LMBR1: variants seen among roughly 807,000 people sequenced by gnomAD.
The protein encoded by LMBR1 is limb region 1 protein homolog.
Under a neutral mutation model 73.9 loss-of-function variants are expected in LMBR1, and 52 were observed. The observed-to-expected ratio is 0.70, with a 90% CI of 0.56 to 0.89. The LOEUF is 0.89. LMBR1 is among the 40% of genes least tolerant of loss of function. The pLI is 0.00. For missense variants in LMBR1, 539 were observed against 579.8 expected (o/e 0.93, Z 0.72); for synonymous variants, 215 against 209.4 (o/e 1.03, Z -0.23).
At chr7:156,671,647 G>A (rs1031209812) in intron 4 of LMBR1, among the ~76,000 whole-genome samples, 2 of 150,854 alleles carry the variant, frequency 1.3e-5, no homozygotes, top group South Asian at 2.1e-4. Flanking sequence ...ACTGCAGGAC[G>A]CCGATGTTTG....
Position 156,669,794 on chromosome 7 carries a change from C to T in LMBR1, n.867-507G>A, listed in dbSNP as rs1196830309. Among the ~76,000 whole-genome samples, 1 of 152,130 alleles carries T rather than the reference C, an allele frequency of 6.6e-6. No individual in the cohort carries two copies. Among genetic ancestry groups the T allele is most frequent in the Non-Finnish European group, 1.5e-5 (1 of 68,018 alleles). On this transcript the variant is annotated intron_variant and non_coding_transcript_variant, in intron 4 of 4. Transcript: ENST00000430825. This position sits in a 1 kb window ranked among gnomAD's most constrained non-coding sequence, Gnocchi z 4.2. ...GCGCTTCCTGGGAGCCTCTGCAGGG[C>T]GTGCCCATGGAGGGGAGGCTCAAAA... is the stretch of plus-strand genomic sequence containing the variant.
At chr7:156,711,333 A>T (rs537696638) in intron 15 of LMBR1, among the ~76,000 whole-genome samples, 1 of 152,264 alleles carries the variant, frequency 6.6e-6, no homozygotes, top group South Asian at 2.1e-4. Flanking sequence ...TACAAAAAAC[A>T]CTAATGAAAG....
In LMBR1 at chr7:156,891,395, T is replaced by C. The variant is rs549487998; in HGVS notation, c.66+1533A>G. On this transcript the variant is annotated intron_variant, in intron 1 of 16. Transcript: ENST00000353442. ...CAACTACTGCACCGAGAATGAATTA[T>C]AACCACATACAACATGGAGAAATTT... is the stretch of plus-strand genomic sequence containing the variant. Among the ~76,000 whole-genome samples the C allele has an allele frequency of 5.5e-4, 83 of 151,726 alleles. 1 individual carries two copies. Among genetic ancestry groups the C allele is most frequent in the African/African-American group, 2.0e-3 (81 of 41,342 alleles).
chr7:156,875,882 G>A (rs916937824), intron 1 of LMBR1, among the ~76,000 whole-genome samples: 1 of 147,406 alleles, frequency 6.8e-6, no homozygotes, highest in African/African-American at 2.5e-5. Flanking sequence ...AATTCTCACA[G>A]GGCATATAAA....
At chr7:156,891,758 T>C (rs1023647926) in intron 1 of LMBR1, among the ~76,000 whole-genome samples, 6 of 152,370 alleles carry the variant, frequency 3.9e-5, no homozygotes, top group Non-Finnish European at 7.3e-5. Flanking sequence ...CATGAACTTA[T>C]CTCTGTGTAT....
chr7:156,823,261 C>T (rs965817667), intron 4 of LMBR1: 1 of 151,652 alleles, frequency 6.6e-6, no homozygotes, highest in African/African-American at 2.4e-5. Context: ...CTACCTTCTA[C>T]CCATGAAAAT....
chr7:156,849,650 C>G lies in LMBR1; in HGVS notation c.67-12765G>C, dbSNP rs541520449. On this transcript the variant is annotated intron_variant, in intron 1 of 16. Coordinates refer to ENST00000353442, the MANE Select transcript of LMBR1 (RefSeq NM_022458.4). ...AACAAAACTGTGGAGACACTAAAAG[C>G]ATCAGTTGTTTGTTGCCAGGGGTTG... is the stretch of plus-strand genomic sequence containing the variant. Among the ~76,000 whole-genome samples, 18 of 152,242 alleles carry G rather than the reference C, an allele frequency of 1.2e-4. No individual in the cohort carries two copies. The South Asian group carries it at 3.7e-3, about 32-fold the overall frequency.
In LMBR1 at chr7:156,683,861, C is replaced by T. The variant is rs750784632; in HGVS notation, c.*217G>A. ...GTTCTATATGTCTGTAAGGAATCTG[C>T]ACTTAACTGGAAACTACAGGGTCCA... On this transcript the variant is annotated 3_prime_UTR_variant, in exon 17 of 17. Transcript: ENST00000353442. The T allele has an allele frequency of 1.4e-5, 7 of 512,462 alleles. No homozygotes were observed. Among genetic ancestry groups the T allele is most frequent in the Admixed American group, 3.5e-5 (1 of 28,210 alleles). 31.7% of individuals were successfully genotyped at this position (512,462 alleles called of 1,614,324 possible).
At chr7:156,784,670 A>G (rs1286669804) in intron 5 of LMBR1, among the ~76,000 whole-genome samples, 2 of 152,202 alleles carry the variant, frequency 1.3e-5, no homozygotes. Flanking sequence ...ATAATATCCT[A>G]TGGGAAAATA....
chr7:156,847,612 A>T (rs2134036087), intron 1 of LMBR1, among the ~76,000 whole-genome samples: 1 of 152,340 alleles, frequency 6.6e-6, no homozygotes, highest in East Asian at 1.9e-4. Flanking sequence ...AAACAGTCCT[A>T]TTGAAAAATG....
intron 12 of LMBR1, 101 bp from the exon 13 acceptor site, chr7:156,725,938 G>T: frequency 1.2e-6 from 1 of 842,132 alleles, no homozygotes; most frequent in Non-Finnish European, 1.9e-6. Context: ...AATTATGAAT[G>T]TTTACTACTT....
At chr7:156,753,057 A>C (rs1821192197) in intron 9 of LMBR1, among the ~76,000 whole-genome samples, 1 of 152,108 alleles carries the variant, frequency 6.6e-6, no homozygotes, top group African/African-American at 2.4e-5. Flanking sequence ...GAAGAAGTGA[A>C]CTGGAAAAAG....
chr7:156,826,710 C>A lies in LMBR1; in HGVS notation c.214G>T (p.Ala72Ser). 6.2e-7 allele frequency: 1 copy of A among 1,611,962 alleles called. No individual in the cohort carries two copies. The highest frequency in any genetic ancestry group is 8.5e-7 in the Non-Finnish European group (1 of 1,178,846). Residue 72 changes from alanine to serine, a missense_variant, in exon 4 of 17, where the codon GCT becomes TCT. Physicochemically the swap from Ala to Ser is moderately conservative, Grantham distance 99. Coordinates refer to ENST00000353442, the MANE Select transcript of LMBR1 (RefSeq NM_022458.4). ...AAGGGTAAAAGCAAAACAGCCCCAGCTGACACTGCGAGAGTGAACGTGCTC... is the reference window on the plus strand; with the variant it reads ...AAGGGTAAAAGCAAAACAGCCCCAGATGACACTGCGAGAGTGAACGTGCTC... ...FLSTFTLAVSAGAVLLLPFSI... is the reference protein window; with the variant it reads ...FLSTFTLAVSSGAVLLLPFSI...
chr7:156,779,502 T>C (rs1264384516), intron 5 of LMBR1, among the ~76,000 whole-genome samples: 1 of 152,240 alleles, frequency 6.6e-6, no homozygotes, highest in Non-Finnish European at 1.5e-5. Flanking sequence ...TAAACACTTG[T>C]AGACACACAG....
chr7:156,890,539 A>G (rs1381446789), intron 1 of LMBR1, among the ~76,000 whole-genome samples: 3 of 152,220 alleles, frequency 2.0e-5, no homozygotes, highest in African/African-American at 7.2e-5. Context: ...TGGGGAAAAA[A>G]ATTTGACCCT....
chr7:156,687,806 T>C (rs989407890), intron 16 of LMBR1, among the ~76,000 whole-genome samples: 7 of 152,220 alleles, frequency 4.6e-5, no homozygotes, highest in Admixed American at 2.0e-4. Context: ...ATTATTTCCG[T>C]TGATCTTCAC....
At chr7:156,740,502 AAAGAAAC>A (rs1205653444) in intron 9 of LMBR1, among the ~76,000 whole-genome samples, 1 of 152,230 alleles carries the variant, frequency 6.6e-6, no homozygotes, top group African/African-American at 2.4e-5. Flanking sequence ...CAGCAAGAGA[AAAGAAAC>A]AAGTAACATC....
intron 1 of LMBR1, among the ~76,000 whole-genome samples, chr7:156,847,679 C>T (rs1443195372): frequency 6.6e-6 from 1 of 152,162 alleles, no homozygotes; most frequent in Non-Finnish European, 1.5e-5. Context: ...CAAAAAGATG[C>T]TCCACATCAA....
intron 4 of LMBR1, among the ~76,000 whole-genome samples, chr7:156,817,960 C>T (rs1453428093): frequency 6.6e-6 from 1 of 152,138 alleles, no homozygotes; most frequent in Non-Finnish European, 1.5e-5. Flanking sequence ...TTTCCTATCC[C>T]AAACACTAGG....
Sources: allele counts gnomAD v4.1 joint callset (sites outside exome capture counted in the v4.1 genomes callset), GRCh38; gene constraint gnomAD v4.1.1; non-coding constraint Gnocchi (gnomAD v3.1); transcripts MANE v1.5; gene names NCBI Gene and HGNC (gene_info 2026-07-23, HGNC 2026-07-21).